The following RALGAPA2 variants were observed in gnomAD, a reference collection of about 807,000 sequenced individuals.
RALGAPA2 encodes ral GTPase-activating protein subunit alpha-2.
RALGAPA2 carries 139 observed loss-of-function variants against 230.4 expected under a neutral mutation model. That is an observed-to-expected ratio of 0.60 (90% confidence interval 0.53 to 0.69). RALGAPA2 has a LOEUF of 0.69. Among genes scored for constraint, RALGAPA2 ranks in the 30% least tolerant of loss-of-function variants. The probability of loss-of-function intolerance (pLI) is 0.00; values close to 1 mark genes in which losing one functional copy is unlikely to be tolerated. For synonymous variants in RALGAPA2, 847 were observed against 837.8 expected, an observed-to-expected ratio of 1.01 and a Z score of -0.19; for missense variants, 2,163 against 2,276.0, an observed-to-expected ratio of 0.95 and a Z score of 1.01.
At chr20:20,487,503 TTTCAG>T (rs1189016710) in intron 36 of RALGAPA2, among the ~76,000 whole-genome samples, 4 of 152,160 alleles carry the variant, frequency 2.6e-5, no homozygotes, top group Non-Finnish European at 5.9e-5. Context: ...CAAAAGTGCT[TTTCAG>T]TTTTGTTTTC....
At chr20:20,683,551 C>A (rs1439348788) in intron 1 of RALGAPA2, among the ~76,000 whole-genome samples, 3 of 152,158 alleles carry the variant, frequency 2.0e-5, no homozygotes, top group African/African-American at 7.2e-5. Context: ...ACTTGGGGCC[C>A]CTGCAGGATG....
intron 31 of RALGAPA2, among the ~76,000 whole-genome samples, chr20:20,513,798 C>T (rs2062790428): frequency 6.6e-6 from 1 of 152,194 alleles, no homozygotes; most frequent in Admixed American, 6.5e-5. Flanking sequence ...TGGAGTGGGG[C>T]AGGGACTTCC....
At chr20:20,681,178 G>A (rs752654341) in intron 1 of RALGAPA2, among the ~76,000 whole-genome samples, 12 of 152,316 alleles carry the variant, frequency 7.9e-5, no homozygotes, top group Middle Eastern at 3.4e-3. Context: ...GACACAGGCC[G>A]TGAAGAGGGA....
chr20:20,489,597 A>G (rs1311004028), intron 36 of RALGAPA2, among the ~76,000 whole-genome samples: 1 of 151,920 alleles, frequency 6.6e-6, no homozygotes, highest in Non-Finnish European at 1.5e-5. Flanking sequence ...AAAACCCAAC[A>G]ACAACAAACT....
intron 28 of RALGAPA2, among the ~76,000 whole-genome samples, chr20:20,525,504 C>T (rs1170559491): frequency 6.6e-6 from 1 of 152,226 alleles, no homozygotes; most frequent in Non-Finnish European, 1.5e-5. Flanking sequence ...CTGTCTAGGG[C>T]TGAGAGAAAA....
At chr20:20,474,544 G>A (rs1254149051) in intron 36 of RALGAPA2, among the ~76,000 whole-genome samples, 1 of 152,198 alleles carries the variant, frequency 6.6e-6, no homozygotes, top group African/African-American at 2.4e-5. Flanking sequence ...GGTGGTAATG[G>A]CTTGGATCAG....
Position 20,702,576 on chromosome 20 carries a change from C to A in RALGAPA2, c.106+9799G>T, listed in dbSNP as rs1014262372. ...AGGCAGCATTAATACTCCTGCAGTG[C>A]TCAGTAATGGGCTAAGAGCTTCCCA... On this transcript the variant is annotated intron_variant, in intron 1 of 39. Coordinates refer to ENST00000202677, the MANE Select transcript of RALGAPA2 (RefSeq NM_020343.4). 2.0e-5 allele frequency among the ~76,000 whole-genome samples: 3 copies of A among 152,166 alleles called. No homozygotes were observed. The East Asian group carries it at 5.8e-4, about 29-fold the overall frequency.
chr20:20,400,797 G>A (rs1312607449), intron 38 of RALGAPA2, among the ~76,000 whole-genome samples: 11 of 152,134 alleles, frequency 7.2e-5, no homozygotes, highest in Non-Finnish European at 1.5e-4. Flanking sequence ...TCCATCAACT[G>A]GTGAATGGAC....
At chr20:20,568,056 G>A (rs1348803483) in intron 23 of RALGAPA2, among the ~76,000 whole-genome samples, 1 of 152,044 alleles carries the variant, frequency 6.6e-6, no homozygotes, top group Non-Finnish European at 1.5e-5. Context: ...CCCACCCTCA[G>A]ACACAAAGCA....
chr20:20,701,965 G>A (rs1200967426), intron 1 of RALGAPA2, among the ~76,000 whole-genome samples: 1 of 151,386 alleles, frequency 6.6e-6, no homozygotes, highest in African/African-American at 2.4e-5. Context: ...GCTTGAACCT[G>A]GGAGGCAGAG....
At chr20:20,397,731 A>T (rs1411910064) in intron 38 of RALGAPA2, among the ~76,000 whole-genome samples, 1 of 152,252 alleles carries the variant, frequency 6.6e-6, no homozygotes, top group Non-Finnish European at 1.5e-5. Flanking sequence ...AGCAGCCATC[A>T]GGAGGTGACC....
chr20:20,670,965 A>G (rs1164530389), intron 3 of RALGAPA2, among the ~76,000 whole-genome samples: 1 of 151,842 alleles, frequency 6.6e-6, no homozygotes, highest in African/African-American at 2.4e-5. Context: ...AAAAAAAAAA[A>G]AAAAATATGA....
intron 23 of RALGAPA2, among the ~76,000 whole-genome samples, chr20:20,560,544 G>A (rs1012048711): frequency 7.2e-5 from 11 of 152,304 alleles, no homozygotes; most frequent in African/African-American, 2.2e-4. Context: ...CACAAGGAGA[G>A]CACTTTTCTC....
In RALGAPA2 at chr20:20,412,113, AT is replaced by A; in HGVS notation, c.5530del (p.Ile1844PhefsTer7). 6.2e-7 allele frequency: 1 copy of A among 1,613,962 alleles called. No homozygotes were observed. Among genetic ancestry groups the A allele is most frequent in the Non-Finnish European group, 8.5e-7 (1 of 1,179,880 alleles). On this transcript the variant is annotated frameshift_variant, in exon 38 of 40. Transcript: ENST00000202677. LOFTEE classifies it high-confidence loss of function. ...EERALYLEAI[I>X]QNHREVMTFE... ...TGTCATTACTTCGCGGTGGTTCTGA[AT>A]TATTGCTTCGAGATACAGAGCTCGC...
At chr20:20,528,539 G>C (rs534991283) in intron 27 of RALGAPA2, among the ~76,000 whole-genome samples, 16 of 152,296 alleles carry the variant, frequency 1.1e-4, no homozygotes, top group African/African-American at 3.6e-4. Context: ...AAGGAGGAAA[G>C]TCAGTCATGT....
chr20:20,597,923 T>C (rs1014098350), intron 16 of RALGAPA2, among the ~76,000 whole-genome samples: 6 of 152,174 alleles, frequency 3.9e-5, no homozygotes, highest in Admixed American at 3.3e-4. Context: ...AAAATGATCT[T>C]TCTCTTTTAA....
intron 1 of RALGAPA2, among the ~76,000 whole-genome samples, chr20:20,689,288 T>C (rs901271134): frequency 7.9e-5 from 12 of 152,254 alleles, no homozygotes; most frequent in Non-Finnish European, 1.5e-4. Context: ...ATATTATGCC[T>C]GCTACAAATG....
At chr20:20,641,149 C>A (rs2067018026) in intron 5 of RALGAPA2, among the ~76,000 whole-genome samples, 1 of 152,150 alleles carries the variant, frequency 6.6e-6, no homozygotes, top group Non-Finnish European at 1.5e-5. Flanking sequence ...CTTCTCCATG[C>A]CTTAGTCTCC....
intron 14 of RALGAPA2, among the ~76,000 whole-genome samples, chr20:20,607,665 G>C (rs533703177): frequency 6.6e-6 from 1 of 152,228 alleles, no homozygotes; most frequent in Admixed American, 6.5e-5. Flanking sequence ...ATGTTATTAG[G>C]ACTCAGACTC....
Sources: allele counts gnomAD v4.1 joint callset (sites outside exome capture counted in the v4.1 genomes callset), GRCh38; gene constraint gnomAD v4.1.1; transcripts MANE v1.5; gene names NCBI Gene and HGNC (gene_info 2026-07-23, HGNC 2026-07-21).